NOMO1: variants seen among roughly 807,000 people sequenced by gnomAD.
The protein encoded by NOMO1 is NODAL modulator 1.
In NOMO1, 40 loss-of-function variants were observed where a neutral mutation model predicts 133.8. The observed-to-expected ratio is 0.30, with a 90% CI of 0.23 to 0.39. The LOEUF (loss-of-function observed/expected upper bound fraction) is 0.39, where lower values mean the gene tolerates loss of function less well. NOMO1 is among the 10% of genes least tolerant of loss of function. The probability of loss-of-function intolerance (pLI) is 1.00; values close to 1 mark genes in which losing one functional copy is unlikely to be tolerated. For synonymous variants in NOMO1, 236 were observed against 570.5 expected (o/e 0.41, Z 8.36); for missense variants, 462 against 1,419.9 (o/e 0.33, Z 10.84).
rs760670007 is a variant in NOMO1 at position 14,896,082 on chromosome 16, G to C, written c.*437G>C. ...TCCCTTTGCATCTGAGATCCTGCTGGAAACCACAGCAACCTGTATCCACTA... is the reference window on the plus strand; with the variant it reads ...TCCCTTTGCATCTGAGATCCTGCTGCAAACCACAGCAACCTGTATCCACTA... On this transcript the variant is annotated 3_prime_UTR_variant, in exon 31 of 31. Transcript: ENST00000287667. 70 of 1,611,894 alleles carry C rather than the reference G, an allele frequency of 4.3e-5. 1 individual carries two copies. Among genetic ancestry groups the C allele is most frequent in the Admixed American group, 6.7e-5 (4 of 60,006 alleles).
chr16:14,854,222 C>G (rs1963801730), intron 9 of NOMO1, among the ~76,000 whole-genome samples, 196 bp downstream of exon 9: 1 of 111,524 alleles, frequency 9.0e-6, no homozygotes, highest in East Asian at 2.7e-4. Context: ...TCTACTCATT[C>G]AATGAAATAT....
chr16:14,860,910 AGT>A (rs1963914769), intron 11 of NOMO1, among the ~76,000 whole-genome samples: 3 of 150,326 alleles, frequency 2.0e-5, no homozygotes, highest in Non-Finnish European at 3.0e-5. Flanking sequence ...GCTGGAGTAC[AGT>A]GGCGCCATCT....
intron 24 of NOMO1, among the ~76,000 whole-genome samples, chr16:14,880,474 C>G (rs535377911): frequency 6.6e-6 from 1 of 151,960 alleles, no homozygotes; most frequent in Non-Finnish European, 1.5e-5. Context: ...TCACTGCAAC[C>G]TCTGCCTCCT....
At position 14,852,642 on chromosome 16, in the gene NOMO1, A is replaced by G. The variant is rs1395320278; in HGVS notation, c.735+60A>G. On this transcript the variant is annotated intron_variant, in intron 7 of 30. Transcript: ENST00000287667. ...AGGGTAGGAGGGTGGGGGATTATAGACCAGAACGTACTGTTTTAAAAAATG... is the reference window on the plus strand; with the variant it reads ...AGGGTAGGAGGGTGGGGGATTATAGGCCAGAACGTACTGTTTTAAAAAATG... 4.7e-6 allele frequency: 3 copies of G among 634,932 alleles called. No homozygotes were observed. In the East Asian group the frequency reaches 8.2e-5, roughly 17 times the overall value. 39.3% of individuals were successfully genotyped at this position (634,932 alleles called of 1,614,324 possible). A position where few individuals can be genotyped will look rare whatever the true frequency, so the allele number is the denominator to read the frequency against.
intron 4 of NOMO1, among the ~76,000 whole-genome samples, chr16:14,845,136 C>T (rs1159992274): frequency 1.3e-5 from 2 of 151,760 alleles, no homozygotes; most frequent in Non-Finnish European, 2.9e-5. Flanking sequence ...ATTCTCCTGC[C>T]TCACCCTCCC....
chr16:14,868,524 A>C, intron 15 of NOMO1, 24 bp from the exon 16 acceptor site: 1 of 1,610,672 alleles, frequency 6.2e-7, no homozygotes, highest in Non-Finnish European at 8.5e-7. Context: ...CTTAGTAGTC[A>C]TTGTATTGGC....
At chr16:14,861,837 ATTT>A (rs59178036) in intron 11 of NOMO1, among the ~76,000 whole-genome samples, 1 of 103,052 alleles carries the variant, frequency 9.7e-6, no homozygotes, top group East Asian at 3.0e-4. Context: ...CTTTCTTTTG[ATTT>A]TTTTTTTTTT....
chr16:14,847,942 C>G (rs1465348894), intron 5 of NOMO1, among the ~76,000 whole-genome samples: 1 of 151,596 alleles, frequency 6.6e-6, no homozygotes, highest in African/African-American at 2.4e-5. Context: ...TGGTGTTGAC[C>G]TTACTAGAAA....
In NOMO1 at chr16:14,886,950, C is replaced by T. The variant is rs192251669; in HGVS notation, c.3324+88C>T. The T allele has an allele frequency of 1.6e-4, 232 of 1,465,636 alleles. 3 individuals carry two copies. The African/African-American group carries it at 2.9e-3, about 18-fold the overall frequency. The allele number at this position is 1,465,636 out of a possible 1,614,324, so 90.8% of individuals were successfully genotyped here. ...AGGAAGCACAGTTCTCTCCTTTTCT[C>T]CCTAAATACCACTCTGCAGAAATAC... On this transcript the variant is annotated intron_variant, in intron 28 of 30. Coordinates refer to ENST00000287667, the MANE Select transcript of NOMO1 (RefSeq NM_014287.4).
intron 1 of NOMO1, among the ~76,000 whole-genome samples, chr16:14,836,855 G>A (rs1296286688): frequency 4.0e-5 from 6 of 150,860 alleles, no homozygotes; most frequent in African/African-American, 7.3e-5. Flanking sequence ...ACAGGCGCCC[G>A]CCACCGCGCC....
At position 14,845,339 on chromosome 16, in the gene NOMO1, T is replaced by C. The variant is rs1243161989; in HGVS notation, c.402+565T>C. 3.3e-5 allele frequency among the ~76,000 whole-genome samples: 5 copies of C among 152,064 alleles called. 1 individual carries two copies. The East Asian group carries it at 9.7e-4, about 29-fold the overall frequency. ...AGGTGTACGCTGTGCACCCAGCCGC[T>C]GTTAGCGTTTATGTCAGGGATGGCC... is the stretch of plus-strand genomic sequence containing the variant. On this transcript the variant is annotated intron_variant, in intron 4 of 30. Transcript: ENST00000287667.
chr16:14,834,616 GGA>G (rs1963475472), intron 1 of NOMO1, among the ~76,000 whole-genome samples: 1 of 148,524 alleles, frequency 6.7e-6, no homozygotes, highest in African/African-American at 2.5e-5. Context: ...TTCTGAAAAT[GGA>G]GAGTTGCCAG....
At chr16:14,895,140 A>T (rs1254402713) in intron 30 of NOMO1, 50 bp downstream of exon 30, 1 of 1,519,316 alleles carries the variant, frequency 6.6e-7, no homozygotes, top group Non-Finnish European at 9.0e-7. Context: ...AGGGAGAGCG[A>T]GTCCTCACAG....
chr16:14,851,176 T>C (rs1963753824), intron 6 of NOMO1, among the ~76,000 whole-genome samples: 1 of 151,464 alleles, frequency 6.6e-6, no homozygotes, highest in Non-Finnish European at 1.5e-5. Context: ...GTTAATTGTC[T>C]GCATAGAAGA....
At chr16:14,866,752 A>G in intron 15 of NOMO1, 61 bp downstream of exon 15, 1 of 1,609,644 alleles carries the variant, frequency 6.2e-7, no homozygotes. Context: ...ATGTCAAGAA[A>G]GACTAACATC....
intron 15 of NOMO1, among the ~76,000 whole-genome samples, chr16:14,867,955 A>C (rs1597105106): frequency 7.7e-5 from 7 of 90,576 alleles, no homozygotes; most frequent in African/African-American, 8.2e-5. Context: ...CTGTCCCCTC[A>C]CTCGCCGGGC....
intron 1 of NOMO1, among the ~76,000 whole-genome samples, chr16:14,837,314 C>G (rs551438362): frequency 6.6e-6 from 1 of 152,030 alleles, no homozygotes; most frequent in Non-Finnish European, 1.5e-5. Context: ...TGGCCGCAAA[C>G]TGATTTTTCT....
chr16:14,849,896 C>CTTTTTTTT (rs1171906105), intron 6 of NOMO1, among the ~76,000 whole-genome samples: 54 of 87,900 alleles, frequency 6.1e-4, no homozygotes, highest in African/African-American at 2.3e-3. Context: ...CAGATACAGT[C>CTTTTTTTT]TTTTTTTTTT....
At chr16:14,876,289 AACCCCC>A in intron 20 of NOMO1, 64 bp from the exon 21 acceptor site, 1 of 1,603,544 alleles carries the variant, frequency 6.2e-7, no homozygotes, top group South Asian at 1.1e-5. Flanking sequence ...TGTCATGGGA[AACCCCC>A]AACCAAGAAG....
Sources: allele counts gnomAD v4.1 joint callset (sites outside exome capture counted in the v4.1 genomes callset), GRCh38; gene constraint gnomAD v4.1.1; transcripts MANE v1.5; gene names NCBI Gene and HGNC (gene_info 2026-07-23, HGNC 2026-07-21).